MYOF: variants seen among roughly 807,000 people sequenced by gnomAD.
The protein encoded by MYOF is myoferlin.
A neutral mutation model predicts 284.2 loss-of-function variants in MYOF; 244 were observed. The ratio of observed to expected loss-of-function variants is 0.86; its 90% confidence interval spans 0.77 to 0.95. The LOEUF is 0.95. Ranked by LOEUF, MYOF falls within the 40% of genes least tolerant of loss-of-function variation. The probability of loss-of-function intolerance (pLI) is 0.00; values close to 1 mark genes in which losing one functional copy is unlikely to be tolerated. For synonymous variants in MYOF, 904 were observed against 919.7 expected, an observed-to-expected ratio of 0.98 and a Z score of 0.31; for missense variants, 2,496 against 2,560.6, an observed-to-expected ratio of 0.97 and a Z score of 0.54.
Position 93,333,825 on chromosome 10 carries a change from T to C in MYOF, c.4652A>G (p.Gln1551Arg), listed in dbSNP as rs1251625590. ...AATGTAAATCCTAACCGTGCATTCC[T>C]GTGGGACGCTGTCAGGTAATTCCCG... ...QFRELPDSVP[Q>R]ECTVRIYIVR... is the part of the protein sequence containing the mutation. Residue 1551 changes from glutamine to arginine, a missense_variant, in exon 42 of 54, where the codon CAG (glutamine) becomes CGG (arginine). By Grantham distance (43) the Gln-to-Arg change is conservative (BLOSUM62 1). Transcript: ENST00000359263. 6.2e-7 allele frequency: 1 copy of C among 1,614,140 alleles called. No homozygotes were observed. Among genetic ancestry groups the C allele is most frequent in the South Asian group, 1.1e-5 (1 of 91,080 alleles).
At chr10:93,322,144 C>G (rs1842868418) in intron 48 of MYOF, among the ~76,000 whole-genome samples, 1 of 152,048 alleles carries the variant, frequency 6.6e-6, no homozygotes, top group African/African-American at 2.4e-5. Context: ...TATAGTGAAC[C>G]TAAATGATAC....
At chr10:93,402,921 G>A in intron 9 of MYOF, 31 bp from the exon 10 acceptor site, 1 of 1,584,720 alleles carries the variant, frequency 6.3e-7, no homozygotes, top group Non-Finnish European at 8.7e-7. Flanking sequence ...AGTAGTCTAA[G>A]TAGATTTTAA....
In MYOF at chr10:93,400,533, A is replaced by G. The variant is rs568489109; in HGVS notation, c.1117+885T>C. 2.8e-4 allele frequency among the ~76,000 whole-genome samples: 42 copies of G among 152,174 alleles called. No homozygotes were observed. The South Asian group carries it at 8.7e-3, about 32-fold the overall frequency. On this transcript the variant is annotated intron_variant, in intron 12 of 53. Coordinates refer to ENST00000359263, the MANE Select transcript of MYOF (RefSeq NM_013451.4). Reference sequence around the variant, plus strand: ...CTACAATACTATCTTTTAAGACCATAGGATCTTAAAAGAGGAAAAGGATTC... The same window carrying G: ...CTACAATACTATCTTTTAAGACCATGGGATCTTAAAAGAGGAAAAGGATTC...
Position 93,338,604 on chromosome 10 carries a change from G to A in MYOF, c.4339-691C>T, listed in dbSNP as rs180909278. On this transcript the variant is annotated intron_variant, in intron 39 of 53. Transcript: ENST00000359263. The stretch of plus-strand genomic sequence containing the variant: ...GAAAGAGCTTTGAAAATTATAAAAC[G>A]TGAAACGAAAGGCAGGAGGCATCAT... The A allele has an allele frequency of 1.8e-4, 77 of 438,240 alleles. No homozygotes were observed. In the East Asian group the frequency reaches 3.8e-3, roughly 22 times the overall value. The allele number at this position is 438,240 out of a possible 1,614,324, so 27.1% of individuals were successfully genotyped here. A position where few individuals can be genotyped will look rare whatever the true frequency, so the allele number is the denominator to read the frequency against.
intron 53 of MYOF, 107 bp from the exon 54 acceptor site, chr10:93,307,108 CT>C (rs764098995): frequency 9.4e-7 from 1 of 1,065,742 alleles, no homozygotes; most frequent in Non-Finnish European, 1.4e-6. Flanking sequence ...CCAGATGATT[CT>C]TTCTTGTTGG....
At chr10:93,478,840 A>AAAGAAAG (rs1564748718) in intron 1 of MYOF, among the ~76,000 whole-genome samples, 1 of 78,050 alleles carries the variant, frequency 1.3e-5, no homozygotes, top group East Asian at 2.9e-4. Flanking sequence ...AAAAAAAAAA[A>AAAGAAAG]AAAGAAAGAA....
chr10:93,369,291 G>A (rs1845478639), intron 25 of MYOF, among the ~76,000 whole-genome samples: 1 of 151,824 alleles, frequency 6.6e-6, no homozygotes, highest in Non-Finnish European at 1.5e-5. Context: ...TCTACTTAGT[G>A]TCCCAGCATC....
Position 93,351,816 on chromosome 10 carries a change from C to T in MYOF, c.3512G>A (p.Arg1171Gln), listed in dbSNP as rs760306736. The change falls in exon 33 of 54, where the codon CGG (arginine) becomes CAG (glutamine). Residue 1171 changes from arginine to glutamine, a missense_variant. Transcript: ENST00000359263. ...DPYAHICFLH[R>Q]SKTTEIIHST... ...ATGGATGATCTCAGTGGTTTTGCTC[C>T]GATGGAGGAAACAGATATGAGCATA... The T allele has an allele frequency of 1.1e-5, 18 of 1,586,386 alleles. No homozygotes were observed. The highest frequency in any genetic ancestry group is 8.9e-5 in the East Asian group (4 of 44,772).
chr10:93,478,096 T>TTTA (rs2057305071), intron 1 of MYOF: 2 of 216,142 alleles, frequency 9.3e-6, no homozygotes, highest in African/African-American at 4.7e-5. Context: ...CCCTTCTGGG[T>TTTA]TGTTTATCTT....
chr10:93,320,620 GAGA>G (rs1332858302), intron 48 of MYOF, among the ~76,000 whole-genome samples: 1 of 152,086 alleles, frequency 6.6e-6, no homozygotes, highest in East Asian at 1.9e-4. Flanking sequence ...TTTAACGTTT[GAGA>G]AGTTTTCTTC....
intron 48 of MYOF, among the ~76,000 whole-genome samples, chr10:93,322,227 GA>G (rs1842871646): frequency 6.6e-6 from 1 of 152,158 alleles, no homozygotes; most frequent in Non-Finnish European, 1.5e-5. Context: ...CTCACTTTAT[GA>G]ATATATTAAA....
At chr10:93,434,784 A>T (rs1205788894) in intron 3 of MYOF, among the ~76,000 whole-genome samples, 2 of 152,182 alleles carry the variant, frequency 1.3e-5, no homozygotes, top group Admixed American at 6.5e-5. Flanking sequence ...TTAGATCAGT[A>T]TGTTTTTTAG....
At chr10:93,364,947 T>G (rs1471414562) in intron 26 of MYOF, among the ~76,000 whole-genome samples, 1 of 152,222 alleles carries the variant, frequency 6.6e-6, no homozygotes, top group Non-Finnish European at 1.5e-5. Context: ...CTGCTGCCTG[T>G]AGGATTCCAT....
intron 35 of MYOF, 93 bp from the exon 36 acceptor site, chr10:93,350,062 C>CT: frequency 8.0e-7 from 1 of 1,249,076 alleles, no homozygotes; most frequent in South Asian, 1.5e-5. Flanking sequence ...CTGGCAAAGT[C>CT]TTTAAGATTA....
In MYOF at chr10:93,319,763, G is replaced by A. The variant is rs1453755399; in HGVS notation, c.5598+109C>T. On this transcript the variant is annotated intron_variant, in intron 49 of 53. Coordinates refer to ENST00000359263, the MANE Select transcript of MYOF (RefSeq NM_013451.4). ...GATTCCCCATCTCTGCTGAGAAGGAGCCGGACTCAGTGACCTCCGAGATCC... is the reference window on the plus strand; with the variant it reads ...GATTCCCCATCTCTGCTGAGAAGGAACCGGACTCAGTGACCTCCGAGATCC... The A allele has an allele frequency of 6.9e-6, 10 of 1,455,450 alleles. No individual in the cohort carries two copies. In the South Asian group the frequency reaches 1.0e-4, roughly 15 times the overall value. 90.2% of individuals were successfully genotyped at this position (1,455,450 alleles called of 1,614,324 possible).
intron 11 of MYOF, 83 bp from the exon 12 acceptor site, chr10:93,401,627 C>A (rs780538831): frequency 2.0e-6 from 3 of 1,516,124 alleles, no homozygotes; most frequent in African/African-American, 2.8e-5. Flanking sequence ...AAAATGAAAC[C>A]ATTCAGAATC....
intron 1 of MYOF, among the ~76,000 whole-genome samples, chr10:93,468,354 G>A (rs77462842): frequency 0.03 from 4,560 of 152,268 alleles, 89 homozygotes; most frequent in Non-Finnish European, 0.044. Flanking sequence ...GGATACAAAA[G>A]CCCACCTGGT....
intron 22 of MYOF, 29 bp from the exon 23 acceptor site, chr10:93,374,984 A>C: frequency 6.3e-7 from 1 of 1,592,440 alleles, no homozygotes; most frequent in Non-Finnish European, 8.5e-7. Context: ...AAAGAAACAG[A>C]GGATTTGAAG....
intron 1 of MYOF, among the ~76,000 whole-genome samples, chr10:93,478,837 A>AT (rs60138667): frequency 1.1e-5 from 1 of 87,190 alleles, no homozygotes; most frequent in African/African-American, 3.8e-5. Context: ...AAAAAAAAAA[A>AT]AAAAAAGAAA....
Sources: allele counts gnomAD v4.1 joint callset (sites outside exome capture counted in the v4.1 genomes callset), GRCh38; gene constraint gnomAD v4.1.1; transcripts MANE v1.5; gene names NCBI Gene and HGNC (gene_info 2026-07-23, HGNC 2026-07-21).